Variants in RSRC1 observed in about 807,000 individuals in gnomAD.
RSRC1 encodes the protein serine/Arginine-related protein 53.
A neutral mutation model predicts 49.1 loss-of-function variants in RSRC1; 39 were observed. The observed-to-expected ratio is 0.79, with a 90% CI of 0.61 to 1.04. The LOEUF (loss-of-function observed/expected upper bound fraction) is 1.04, where lower values mean the gene tolerates loss of function less well. Among genes scored for constraint, RSRC1 ranks in the 50% least tolerant of loss-of-function variants. The pLI, the probability that RSRC1 is intolerant of heterozygous loss-of-function variation, is 0.00. For missense variants in RSRC1, 388 were observed against 402.4 expected (o/e 0.96, Z 0.31); for synonymous variants, 143 against 130.8 (o/e 1.09, Z -0.63).
At chr3:158,265,291 A>G (rs1048268396) in intron 4 of RSRC1, among the ~76,000 whole-genome samples, 5 of 152,088 alleles carry the variant, frequency 3.3e-5, no homozygotes, top group Non-Finnish European at 7.4e-5. Flanking sequence ...AGAAGTATAA[A>G]TGTGTTCTGT....
intron 3 of RSRC1, among the ~76,000 whole-genome samples, chr3:158,135,417 G>T (rs567323994): frequency 1.3e-5 from 2 of 151,210 alleles, no homozygotes; most frequent in East Asian, 3.9e-4. Flanking sequence ...TTACAGGCAT[G>T]CACCACCACA....
intron 3 of RSRC1, among the ~76,000 whole-genome samples, chr3:158,144,050 A>G (rs1334702542): frequency 1.3e-5 from 2 of 152,260 alleles, no homozygotes; most frequent in African/African-American, 4.8e-5. Flanking sequence ...ATCAAAGGAC[A>G]TTAAATACAT....
At chr3:158,194,196 T>C (rs1720410622) in intron 3 of RSRC1, among the ~76,000 whole-genome samples, 1 of 151,484 alleles carries the variant, frequency 6.6e-6, no homozygotes, top group African/African-American at 2.4e-5. Flanking sequence ...ATCACTTGAG[T>C]CAAGGAATTT....
chr3:158,529,060 G>C lies in RSRC1; in HGVS notation c.653-8032G>C, dbSNP rs77950920. The stretch of plus-strand genomic sequence containing the variant: ...AAACTTTTTAAATTCATTTACAAAG[G>C]TTTTCTAGATGTGATATATATATAT... On this transcript the variant is annotated intron_variant, in intron 7 of 9. Transcript: ENST00000611884. Among the ~76,000 whole-genome samples the C allele has an allele frequency of 4.1e-3, 619 of 151,282 alleles. 10 individuals are homozygous for C. Among genetic ancestry groups the C allele is most frequent in the South Asian group, 0.034 (164 of 4,806 alleles).
chr3:158,197,171 A>G lies in RSRC1; in HGVS notation c.321-5901A>G, dbSNP rs1318589721. ...TGGTAAGCTATTAATTGTTGCCTCA[A>G]TTTCAGAGCCTGTTATTGGTCTATT... On this transcript the variant is annotated intron_variant, in intron 3 of 9. Coordinates refer to ENST00000611884, the MANE Select transcript of RSRC1 (RefSeq NM_001271838.2). Among the ~76,000 whole-genome samples the G allele has an allele frequency of 7.2e-5, 11 of 152,248 alleles. No individual in the cohort carries two copies. In the South Asian group the frequency reaches 1.7e-3, roughly 23 times the overall value.
chr3:158,443,750 C>T (rs1736514330), intron 6 of RSRC1, among the ~76,000 whole-genome samples: 1 of 152,166 alleles, frequency 6.6e-6, no homozygotes, highest in African/African-American at 2.4e-5. Flanking sequence ...TCTTTTCCCT[C>T]ATCTCAGCTT....
At chr3:158,516,941 C>T (rs1039021008) in intron 7 of RSRC1, among the ~76,000 whole-genome samples, 6 of 152,324 alleles carry the variant, frequency 3.9e-5, no homozygotes, top group East Asian at 3.9e-4. Flanking sequence ...GGCAGTGCCT[C>T]GCCCTGCTTT....
At chr3:158,398,366 G>A (rs754420814) in intron 6 of RSRC1, among the ~76,000 whole-genome samples, 1 of 152,086 alleles carries the variant, frequency 6.6e-6, no homozygotes, top group Non-Finnish European at 1.5e-5. Flanking sequence ...GGCACCAGAA[G>A]GTTTGGTATC....
At chr3:158,490,819 T>C (rs1739056638) in intron 7 of RSRC1, among the ~76,000 whole-genome samples, 1 of 152,210 alleles carries the variant, frequency 6.6e-6, no homozygotes, top group Admixed American at 6.5e-5. Flanking sequence ...TTAGTGTTCA[T>C]ATTATACACG....
chr3:158,146,859 AG>A lies in RSRC1; in HGVS notation c.320+22871del, dbSNP rs545405000. 9.3e-3 allele frequency among the ~76,000 whole-genome samples: 1,422 copies of A among 152,244 alleles called. 14 individuals carry two copies. The highest frequency in any genetic ancestry group is 0.016 in the Non-Finnish European group (1,074 of 68,022). On this transcript the variant is annotated intron_variant, in intron 3 of 9. Coordinates refer to ENST00000611884, the MANE Select transcript of RSRC1 (RefSeq NM_001271838.2). ...AGCTTCTTCCTGGTTTAGTCTTGGG[AG>A]GGTGTATGTGTCGAGGAATTTATCC... is the stretch of plus-strand genomic sequence containing the variant.
chr3:158,264,519 G>T (rs997097797), intron 4 of RSRC1, among the ~76,000 whole-genome samples: 4 of 151,884 alleles, frequency 2.6e-5, no homozygotes, highest in Non-Finnish European at 5.9e-5. Context: ...TGTCAATTGG[G>T]TCACGCAGGT....
At chr3:158,188,824 T>G (rs1720067922) in intron 3 of RSRC1, among the ~76,000 whole-genome samples, 1 of 151,934 alleles carries the variant, frequency 6.6e-6, no homozygotes. Flanking sequence ...TTTCATTATT[T>G]TTTGCTTCTT....
intron 3 of RSRC1, among the ~76,000 whole-genome samples, chr3:158,192,389 C>T (rs1022279385): frequency 6.6e-6 from 1 of 151,972 alleles, no homozygotes; most frequent in Non-Finnish European, 1.5e-5. Flanking sequence ...ATAATGAGCA[C>T]AATTAGTTTG....
intron 5 of RSRC1, chr3:158,336,710 A>C (rs1729913071): frequency 6.6e-6 from 1 of 152,150 alleles, no homozygotes; most frequent in Admixed American, 6.5e-5. Context: ...GATTGAGAGA[A>C]AGGGTTTGTC....
intron 5 of RSRC1, among the ~76,000 whole-genome samples, chr3:158,326,531 T>C (rs1729155070): frequency 6.6e-6 from 1 of 152,176 alleles, no homozygotes; most frequent in East Asian, 1.9e-4. Flanking sequence ...CTGGATTACA[T>C]TTATTGATTT....
intron 6 of RSRC1, among the ~76,000 whole-genome samples, chr3:158,449,785 C>T (rs1359598733): frequency 2.0e-5 from 3 of 151,928 alleles, no homozygotes; most frequent in Non-Finnish European, 4.4e-5. Context: ...TTCTTGAGTT[C>T]TAGTCATTTT....
chr3:158,420,502 A>G (rs1734980828), intron 6 of RSRC1, among the ~76,000 whole-genome samples: 2 of 151,900 alleles, frequency 1.3e-5, no homozygotes, highest in African/African-American at 2.4e-5. Context: ...TTCTGCCACT[A>G]ATTAGCTGTG....
chr3:158,149,042 C>T lies in RSRC1; in HGVS notation c.320+25051C>T, dbSNP rs185617628. On this transcript the variant is annotated intron_variant, in intron 3 of 9. Transcript: ENST00000611884. ...CAGGTGATCCACCCACCTCAGCCTT[C>T]CAAAGTGCTGGGATTACAGGCGTGA... is the stretch of plus-strand genomic sequence containing the variant. Among the ~76,000 whole-genome samples the T allele has an allele frequency of 2.3e-3, 346 of 152,320 alleles. 1 individual carries two copies. The highest frequency in any genetic ancestry group is 2.4e-3 in the Admixed American group (36 of 15,304).
rs1429663726 is a variant in RSRC1 at position 158,426,576 on chromosome 3, G to A, written c.584-34359G>A. 2.6e-5 allele frequency among the ~76,000 whole-genome samples: 4 copies of A among 151,632 alleles called. No homozygotes were observed. In the East Asian group the frequency reaches 7.8e-4, roughly 30 times the overall value. ...TAATAAGAATATGAAACAGAAGTAT[G>A]ATGAAATTTTAACAGCTATTAATTT... On this transcript the variant is annotated intron_variant, in intron 6 of 9. Coordinates refer to ENST00000611884, the MANE Select transcript of RSRC1 (RefSeq NM_001271838.2).
Sources: gnomAD v4.1 joint callset for allele counts (sites outside exome capture counted in the v4.1 genomes callset) on GRCh38, gnomAD v4.1.1 for gene constraint, MANE v1.5 for transcripts, NCBI Gene and HGNC (gene_info 2026-07-23, HGNC 2026-07-21) for gene names.